Variants in FBF1 observed in about 807,000 individuals in gnomAD.
FBF1 encodes the protein Fas binding factor 1.
FBF1 carries 119 observed loss-of-function variants against 147.2 expected under a neutral mutation model. The observed-to-expected ratio is 0.81, with a 90% CI of 0.70 to 0.94. The LOEUF is 0.94. Among genes scored for constraint, FBF1 ranks in the 40% least tolerant of loss-of-function variants. The pLI is 0.00. For missense variants in FBF1, 1,449 were observed against 1,500.8 expected, an observed-to-expected ratio of 0.97 and a Z score of 0.57; for synonymous variants, 601 against 609.0, an observed-to-expected ratio of 0.99 and a Z score of 0.19.
In FBF1 at chr17:75,910,868, G is replaced by C; in HGVS notation, c.3364-62C>G. The C allele has an allele frequency of 2.1e-6, 3 of 1,423,130 alleles. No homozygotes were observed. The highest frequency in any genetic ancestry group is 2.0e-5 in the Admixed American group (1 of 51,128). 88.2% of individuals were successfully genotyped at this position (1,423,130 alleles called of 1,614,324 possible). A position where few individuals can be genotyped will look rare whatever the true frequency, so the allele number is the denominator to read the frequency against. ...GAGCTGAGAGGGAGGTGGAGCCCTGGATGCTAGCTGAGCCAGCCGTCACTG... is the reference window on the plus strand; with the variant it reads ...GAGCTGAGAGGGAGGTGGAGCCCTGCATGCTAGCTGAGCCAGCCGTCACTG... On this transcript the variant is annotated intron_variant, in intron 29 of 29. Transcript: ENST00000636174. This position sits in a 1 kb window ranked among gnomAD's most constrained non-coding sequence, Gnocchi z 4.1.
chr17:75,913,957 G>T lies in FBF1; in HGVS notation c.3085C>A (p.Gln1029Lys). 6.4e-7 allele frequency: 1 copy of T among 1,553,766 alleles called. No individual in the cohort carries two copies. The highest frequency in any genetic ancestry group is 8.7e-7 in the Non-Finnish European group (1 of 1,155,592). The change falls in exon 27 of 30, where the codon CAA (glutamine) becomes AAA (lysine). Residue 1029 changes from glutamine to lysine, a missense_variant. Gln to Lys is a moderately conservative substitution (Grantham distance 53). Transcript: ENST00000636174. Reference protein sequence around the residue: ...EQQARLQAVQQQQERLRKQEQ... With the variant: ...EQQARLQAVQKQQERLRKQEQ... ...TGCTTCCGCAGCCGCTCCTGCTGTT[G>T]CTGCACCGCCTGCAACCGGGCCTGC...
intron 17 of FBF1, 25 bp from the exon 18 acceptor site, chr17:75,920,454 T>G (rs372690278): frequency 1.9e-6 from 3 of 1,586,002 alleles, no homozygotes; most frequent in Non-Finnish European, 2.6e-6. Flanking sequence ...GAGAGGTGTT[T>G]CTAGTTAGGG....
chr17:75,911,282 A>C (rs1337928774), intron 29 of FBF1, among the ~76,000 whole-genome samples: 1 of 152,188 alleles, frequency 6.6e-6, no homozygotes, highest in African/African-American at 2.4e-5. Flanking sequence ...GTAAAATATA[A>C]ACAAAGCCTT....
intron 8 of FBF1, 84 bp downstream of exon 8, chr17:75,927,992 T>C (rs1175574315): frequency 4.4e-6 from 5 of 1,124,892 alleles, no homozygotes; most frequent in Non-Finnish European, 1.3e-6. Context: ...CGCTTCCTAC[T>C]AGCATCTTCC....
chr17:75,917,808 T>G lies in FBF1; in HGVS notation c.2429A>C (p.Glu810Ala), dbSNP rs1471795468. Residue 810 changes from glutamate to alanine, a missense_variant, in exon 23 of 30, where the codon GAG becomes GCG. Coordinates refer to ENST00000636174, the MANE Select transcript of FBF1 (RefSeq NM_001319193.2). ...RLGQQQRDME[E>A]ERSRQQEVIG... The stretch of plus-strand genomic sequence containing the variant: ...GACCTCCTGTTGCCGGCTCCGCTCC[T>G]CCTCCATGTCCCGCTGCTGCTGGCC... 4 of 1,609,046 alleles carry G rather than the reference T, an allele frequency of 2.5e-6. No individual in the cohort carries two copies. The East Asian group carries it at 8.9e-5, about 36-fold the overall frequency.
chr17:75,929,744 G>A (rs984989490), intron 7 of FBF1, among the ~76,000 whole-genome samples: 4 of 152,110 alleles, frequency 2.6e-5, no homozygotes, highest in African/African-American at 7.2e-5. Flanking sequence ...GTGGGCCTCC[G>A]AGTAGAGCTG....
intron 29 of FBF1, among the ~76,000 whole-genome samples, chr17:75,911,604 G>A (rs144708070): frequency 3.9e-5 from 6 of 152,054 alleles, no homozygotes; most frequent in Non-Finnish European, 5.9e-5. Context: ...CTGCAGCCTC[G>A]ACCTCCCGGG....
In FBF1 at chr17:75,941,038, C is replaced by A. The variant is rs1420457950; in HGVS notation, c.-274G>T. 1 of 152,304 alleles carries A rather than the reference C, an allele frequency of 6.6e-6. No homozygotes were observed. Among genetic ancestry groups the A allele is most frequent in the African/African-American group, 2.4e-5 (1 of 41,466 alleles). The allele number at this position is 152,304 out of a possible 1,614,324, so 9.4% of individuals were successfully genotyped here. ...TCCAGCCGCTGCCGGCACCCTCAGC[C>A]GTCTGGCCTCCCGCGGAAAGGCGGG... On this transcript the variant is annotated 5_prime_UTR_variant, in exon 1 of 30. Transcript: ENST00000636174.
In FBF1 at chr17:75,922,114, C is replaced by T; in HGVS notation, c.1425-68G>A. 7.3e-7 allele frequency: 1 copy of T among 1,378,778 alleles called. No homozygotes were observed. Among genetic ancestry groups the T allele is most frequent in the South Asian group, 1.3e-5 (1 of 79,290 alleles). 85.4% of individuals were successfully genotyped at this position (1,378,778 alleles called of 1,614,324 possible). On this transcript the variant is annotated intron_variant, in intron 14 of 29. Coordinates refer to ENST00000636174, the MANE Select transcript of FBF1 (RefSeq NM_001319193.2). This position sits in a 1 kb window ranked among gnomAD's most constrained non-coding sequence, Gnocchi z 5.0. Reference sequence around the variant, plus strand: ...AGGTCAGGCTGGATGAAGACAGGGCCCAGGACGGGCTTCACACGTGAAGCT... The same window carrying T: ...AGGTCAGGCTGGATGAAGACAGGGCTCAGGACGGGCTTCACACGTGAAGCT...
At chr17:75,930,308 T>C (rs535919785) in intron 6 of FBF1, among the ~76,000 whole-genome samples, 5 of 152,298 alleles carry the variant, frequency 3.3e-5, no homozygotes, top group Admixed American at 1.3e-4. Context: ...AACTCTTCCA[T>C]CCAGGACTGA....
At chr17:75,927,024 G>T in intron 9 of FBF1, 147 bp from the exon 10 acceptor site, 1 of 1,142,530 alleles carries the variant, frequency 8.8e-7, no homozygotes, top group South Asian at 1.5e-5. Context: ...TGGGGCCTGG[G>T]GCAACGGGGA....
rs2065502750 is a variant in FBF1 at position 75,918,365 on chromosome 17, C to T, written c.2139-96G>A. 10 of 986,882 alleles carry T rather than the reference C, an allele frequency of 1.0e-5. No individual in the cohort carries two copies. Among genetic ancestry groups the T allele is most frequent in the Non-Finnish European group, 1.5e-5 (10 of 670,502 alleles). The allele number at this position is 986,882 out of a possible 1,614,324, so 61.1% of individuals were successfully genotyped here. On this transcript the variant is annotated intron_variant, in intron 20 of 29. Transcript: ENST00000636174. This position sits in a 1 kb window ranked among gnomAD's most constrained non-coding sequence, Gnocchi z 5.8. ...AGGGTGTGTTTCCGTGCAGCCCTTGCTCCCAGGCCTCTCCTCCGCCGGGCA... is the reference window on the plus strand; with the variant it reads ...AGGGTGTGTTTCCGTGCAGCCCTTGTTCCCAGGCCTCTCCTCCGCCGGGCA...
In FBF1 at chr17:75,910,508, G is replaced by GTA. The variant is rs2065450484; in HGVS notation, c.*213_*214dup. 1 of 550,628 alleles carries GTA rather than the reference G, an allele frequency of 1.8e-6. No homozygotes were observed. 34.1% of individuals were successfully genotyped at this position (550,628 alleles called of 1,614,324 possible). A position where few individuals can be genotyped will look rare whatever the true frequency, so the allele number is the denominator to read the frequency against. On this transcript the variant is annotated 3_prime_UTR_variant, in exon 30 of 30. Coordinates refer to ENST00000636174, the MANE Select transcript of FBF1 (RefSeq NM_001319193.2). This position sits in a 1 kb window ranked among gnomAD's most constrained non-coding sequence, Gnocchi z 4.1. ...TTGGGGCAGGGCAGCCAAAGCCATG[G>GTA]TAAGATAGCCTACACCACAGAGCCC...
intron 23 of FBF1, 102 bp downstream of exon 23, chr17:75,917,630 C>G: frequency 9.1e-7 from 1 of 1,093,896 alleles, no homozygotes; most frequent in Non-Finnish European, 1.3e-6. Context: ...GCCTTGACCT[C>G]CTGAGGAAGT....
In FBF1 at chr17:75,917,834, C is replaced by A. The variant is rs758004344; in HGVS notation, c.2403G>T (p.Leu801=). 6.2e-7 allele frequency: 1 copy of A among 1,607,054 alleles called. No homozygotes were observed. The highest frequency in any genetic ancestry group is 1.1e-5 in the South Asian group (1 of 89,822). Residue 801 remains leucine (L), a synonymous_variant, in exon 23 of 30, where the codon CTG becomes CTT. Transcript: ENST00000636174. Reference sequence around the variant, plus strand: ...CCTCCATGTCCCGCTGCTGCTGGCCCAGCCGCTCCTGCAGTGCTGGGGGCA... The same window carrying A: ...CCTCCATGTCCCGCTGCTGCTGGCCAAGCCGCTCCTGCAGTGCTGGGGGCA... ...DEQLRALQER[L]GQQQRDMEEE...
Position 75,919,326 on chromosome 17 carries a change from C to T in FBF1, c.2138+342G>A, listed in dbSNP as rs754711882. ...TATAAACATGGCAGGCACAACAGCG[C>T]AAGCCTTTCCCAGGTGGATCTTGTT... On this transcript the variant is annotated intron_variant, in intron 20 of 29. Transcript: ENST00000636174. This position sits in a 1 kb window ranked among gnomAD's most constrained non-coding sequence, Gnocchi z 5.0. 6.6e-6 allele frequency among the ~76,000 whole-genome samples: 1 copy of T among 152,246 alleles called. No homozygotes were observed. Among genetic ancestry groups the T allele is most frequent in the Non-Finnish European group, 1.5e-5 (1 of 68,046 alleles).
chr17:75,917,485 C>A (rs117819725), intron 23 of FBF1, among the ~76,000 whole-genome samples: 1 of 150,714 alleles, frequency 6.6e-6, no homozygotes, highest in Admixed American at 6.7e-5. Context: ...CCAAGGTGGC[C>A]GAGGGGCTTG....
chr17:75,911,824 T>C (rs1344560210), intron 29 of FBF1, among the ~76,000 whole-genome samples: 1 of 151,852 alleles, frequency 6.6e-6, no homozygotes, highest in East Asian at 1.9e-4. Context: ...TTTTTTAGTT[T>C]TTCATTTTGT....
Position 75,925,994 on chromosome 17 carries a change from C to T in FBF1, c.868+36G>A, listed in dbSNP as rs1043052949. 3.2e-6 allele frequency: 5 copies of T among 1,574,826 alleles called. No homozygotes were observed. The highest frequency in any genetic ancestry group is 1.4e-5 in the African/African-American group (1 of 74,010). Reference sequence around the variant, plus strand: ...ATGAAAGCCTGATCTAGAGGCCTCCCTCCCGTCCTGTTGCGGCCCCCGCAA... The same window carrying T: ...ATGAAAGCCTGATCTAGAGGCCTCCTTCCCGTCCTGTTGCGGCCCCCGCAA... On this transcript the variant is annotated intron_variant, in intron 12 of 29. Transcript: ENST00000636174. This position sits in a 1 kb window ranked among gnomAD's most constrained non-coding sequence, Gnocchi z 5.0.
Sources: allele counts gnomAD v4.1 joint callset (sites outside exome capture counted in the v4.1 genomes callset), GRCh38; gene constraint gnomAD v4.1.1; non-coding constraint Gnocchi (gnomAD v3.1); transcripts MANE v1.5; gene names NCBI Gene and HGNC (gene_info 2026-07-23, HGNC 2026-07-21).